Variants in FOXJ3 observed in about 807,000 individuals in gnomAD.
The protein encoded by FOXJ3 is forkhead box protein J3.
A neutral mutation model predicts 76.1 loss-of-function variants in FOXJ3; 22 were observed. The observed-to-expected ratio is 0.29, with a 90% confidence interval of 0.21 to 0.41. The LOEUF (loss-of-function observed/expected upper bound fraction) is 0.41. Ranked by LOEUF, FOXJ3 falls within the 10% of genes least tolerant of loss-of-function variation. FOXJ3 has a pLI of 1.00. For missense variants in FOXJ3, 613 were observed against 762.1 expected, an observed-to-expected ratio of 0.80 and a Z score of 2.30; for synonymous variants, 269 against 261.2, an observed-to-expected ratio of 1.03 and a Z score of -0.29.
At chr1:42,250,793 C>A (rs1374806563) in intron 4 of FOXJ3, among the ~76,000 whole-genome samples, 5 of 102,670 alleles carry the variant, frequency 4.9e-5, no homozygotes, top group African/African-American at 3.8e-5. Context: ...GACAAAACTC[C>A]ATCTCAAAAA....
At chr1:42,322,595 C>T (rs1443757210) in intron 1 of FOXJ3, among the ~76,000 whole-genome samples, 1 of 151,942 alleles carries the variant, frequency 6.6e-6, no homozygotes. Context: ...GTGTTAGTTG[C>T]TCAACAATAC....
chr1:42,238,884 A>G (rs1441594915), intron 4 of FOXJ3, among the ~76,000 whole-genome samples: 1 of 152,136 alleles, frequency 6.6e-6, no homozygotes, highest in Non-Finnish European at 1.5e-5. Context: ...CTATAAATCT[A>G]CCTGGGGAGG....
At chr1:42,267,844 C>G (rs927992012) in intron 3 of FOXJ3, among the ~76,000 whole-genome samples, 1 of 151,948 alleles carries the variant, frequency 6.6e-6, no homozygotes, top group Non-Finnish European at 1.5e-5. Flanking sequence ...TAAAATTCCT[C>G]AGATGGGCTC....
In FOXJ3 at chr1:42,205,761, C is replaced by T. The variant is rs148054297; in HGVS notation, c.630+1G>A. The T allele has an allele frequency of 2.6e-6, 4 of 1,529,360 alleles. No homozygotes were observed. The African/African-American group carries it at 5.5e-5, about 21-fold the overall frequency. 94.7% of individuals were successfully genotyped at this position (1,529,360 alleles called of 1,614,324 possible). ...AATAATGTTTAAAAAAATGAAATTACTTTGTTAGTCACAGTGTTGATTGCC... is the reference window on the plus strand; with the variant it reads ...AATAATGTTTAAAAAAATGAAATTATTTTGTTAGTCACAGTGTTGATTGCC... On this transcript the variant is annotated splice_donor_variant, in intron 6 of 12. Coordinates refer to ENST00000361346, the MANE Select transcript of FOXJ3 (RefSeq NM_014947.5). LOFTEE classifies it high-confidence loss of function.
chr1:42,212,388 C>T (rs1289232799), intron 5 of FOXJ3, among the ~76,000 whole-genome samples: 1 of 151,826 alleles, frequency 6.6e-6, no homozygotes, highest in Non-Finnish European at 1.5e-5. Flanking sequence ...TAAAGCAAAG[C>T]CAATCAGAAC....
Position 42,191,706 on chromosome 1 carries a change from G to C in FOXJ3, c.948C>G (p.Ile316Met), listed in dbSNP as rs145272534. Residue 316 changes from isoleucine (I) to methionine (M), a missense_variant, in exon 9 of 13, where the codon ATC (isoleucine) becomes ATG (methionine). By Grantham distance (10) the Ile-to-Met change is conservative (BLOSUM62 1). Transcript: ENST00000361346. ...GGGACTGCTGGGAAGATTCAGAAGG[G>C]ATGTTCATCAAACCTAAAAACAAAG... ...QSLSQQGLMNIPSESSQQSHT... is the reference protein window; with the variant it reads ...QSLSQQGLMNMPSESSQQSHT... The C allele has an allele frequency of 2.7e-4, 434 of 1,609,910 alleles. 1 individual carries two copies. The highest frequency in any genetic ancestry group is 7.0e-4 in the South Asian group (64 of 90,998).
intron 2 of FOXJ3, among the ~76,000 whole-genome samples, chr1:42,291,353 C>A (rs1213170096): frequency 6.6e-6 from 1 of 152,056 alleles, no homozygotes; most frequent in Non-Finnish European, 1.5e-5. Context: ...AGATATGACA[C>A]CAAAAGCAAT....
chr1:42,301,470 T>G (rs910776050), intron 2 of FOXJ3, among the ~76,000 whole-genome samples: 3 of 152,190 alleles, frequency 2.0e-5, no homozygotes, highest in Non-Finnish European at 4.4e-5. Flanking sequence ...CCAAAAGTGT[T>G]GGGATTACAG....
At chr1:42,279,689 G>T (rs114564330) in intron 2 of FOXJ3, among the ~76,000 whole-genome samples, 3 of 152,100 alleles carry the variant, frequency 2.0e-5, no homozygotes. Context: ...ACTTTCAGCA[G>T]AGGACATAAG....
intron 7 of FOXJ3, among the ~76,000 whole-genome samples, chr1:42,198,042 C>T (rs996266238): frequency 2.6e-5 from 4 of 151,944 alleles, no homozygotes; most frequent in East Asian, 1.9e-4. Flanking sequence ...CCTACAGATA[C>T]GGAGGGCTGA....
chr1:42,284,638 A>C (rs1652935881), intron 2 of FOXJ3, among the ~76,000 whole-genome samples: 2 of 152,246 alleles, frequency 1.3e-5, no homozygotes, highest in African/African-American at 4.8e-5. Context: ...GCAGTAGAGA[A>C]GACTGATACC....
intron 2 of FOXJ3, chr1:42,280,252 A>T (rs1652597434): frequency 1.0e-6 from 1 of 968,474 alleles, no homozygotes; most frequent in Non-Finnish European, 1.2e-6. Flanking sequence ...AGCAAAAGCA[A>T]TTATAAATCA....
chr1:42,206,982 C>T (rs1295913883), intron 5 of FOXJ3, among the ~76,000 whole-genome samples: 1 of 151,996 alleles, frequency 6.6e-6, no homozygotes, highest in Non-Finnish European at 1.5e-5. Context: ...AGGTGTGTGT[C>T]ACCACACCTG....
chr1:42,197,670 T>TTA (rs1553155962), intron 7 of FOXJ3, among the ~76,000 whole-genome samples: 11 of 151,182 alleles, frequency 7.3e-5, no homozygotes, highest in Admixed American at 6.6e-5. Context: ...ATTTTTTTCT[T>TTA]TAAAAAAAAA....
intron 4 of FOXJ3, among the ~76,000 whole-genome samples, chr1:42,232,986 G>A (rs1175494719): frequency 1.4e-5 from 2 of 146,770 alleles, no homozygotes; most frequent in African/African-American, 5.1e-5. Context: ...GTGTAAGGAA[G>A]GGATCCAGTT....
intron 3 of FOXJ3, among the ~76,000 whole-genome samples, chr1:42,277,436 G>A (rs939829153): frequency 4.6e-5 from 7 of 151,812 alleles, no homozygotes; most frequent in African/African-American, 1.7e-4. Context: ...GCCGAGGCGG[G>A]CGGATCACAA....
chr1:42,295,545 G>C (rs932613793), intron 2 of FOXJ3, among the ~76,000 whole-genome samples: 3 of 74,938 alleles, frequency 4.0e-5, no homozygotes, highest in Non-Finnish European at 6.9e-5. Context: ...TTTTTTTTTG[G>C]TGAGACACAG....
chr1:42,326,257 A>G lies in FOXJ3; in HGVS notation c.-18+8802T>C, dbSNP rs561058962. 4.6e-5 allele frequency among the ~76,000 whole-genome samples: 7 copies of G among 152,314 alleles called. No individual in the cohort carries two copies. The South Asian group carries it at 1.4e-3, about 32-fold the overall frequency. ...CGGAGTGAGACTCCAACTCAAAAAA[A>G]AGTCCGAAGATCCACATTTTTCCAA... On this transcript the variant is annotated intron_variant, in intron 1 of 12. Transcript: ENST00000361346.
At chr1:42,192,348 G>A (rs1646564920) in intron 8 of FOXJ3, among the ~76,000 whole-genome samples, 1 of 152,108 alleles carries the variant, frequency 6.6e-6, no homozygotes, top group Non-Finnish European at 1.5e-5. Flanking sequence ...AAGGTACAAG[G>A]ACATAGAATG....
Sources: allele counts gnomAD v4.1 joint callset (sites outside exome capture counted in the v4.1 genomes callset), GRCh38; gene constraint gnomAD v4.1.1; transcripts MANE v1.5; gene names NCBI Gene and HGNC (gene_info 2026-07-23, HGNC 2026-07-21).